The following NOTCH3 variants were observed in gnomAD, a reference collection of about 807,000 sequenced individuals.
NOTCH3 encodes the protein neurogenic locus notch homolog protein 3.
In NOTCH3, 86 loss-of-function variants were observed where a neutral mutation model predicts 213.3. The observed-to-expected ratio is 0.40, with a 90% confidence interval of 0.34 to 0.48. The LOEUF (loss-of-function observed/expected upper bound fraction) is 0.48. NOTCH3 is among the 20% of genes least tolerant of loss of function. NOTCH3 has a pLI of 0.57. For synonymous variants in NOTCH3, 1,354 were observed against 1,355.9 expected, an observed-to-expected ratio of 1.00 and a Z score of 0.03; for missense variants, 2,783 against 3,272.6, an observed-to-expected ratio of 0.85 and a Z score of 3.65.
intron 16 of NOTCH3, among the ~76,000 whole-genome samples, chr19:15,182,488 CAG>C (rs2046848840): frequency 7.2e-6 from 1 of 139,700 alleles, no homozygotes; most frequent in African/African-American, 2.6e-5. Context: ...GTCTGGGCGA[CAG>C]AGTGAGAACT....
intron 2 of NOTCH3, among the ~76,000 whole-genome samples, chr19:15,195,581 C>T (rs2090945299): frequency 6.6e-6 from 1 of 152,032 alleles, no homozygotes; most frequent in Admixed American, 6.6e-5. Flanking sequence ...GCAAGATCCC[C>T]CCCACCCCGG....
intron 15 of NOTCH3, 112 bp from the exon 16 acceptor site, chr19:15,184,562 C>T: frequency 3.9e-6 from 4 of 1,036,784 alleles, no homozygotes; most frequent in Non-Finnish European, 2.9e-6. Context: ...GCAAAATAAG[C>T]CGTGCTGTCA....
At chr19:15,198,121 C>G (rs560883204) in intron 1 of NOTCH3, among the ~76,000 whole-genome samples, 20 of 152,120 alleles carry the variant, frequency 1.3e-4, no homozygotes, top group African/African-American at 4.3e-4. Context: ...AAGCAGCCAG[C>G]GCTGGGCGTT....
chr19:15,168,744 G>A (rs767941167), intron 28 of NOTCH3, among the ~76,000 whole-genome samples: 24 of 152,060 alleles, frequency 1.6e-4, no homozygotes, highest in Non-Finnish European at 3.5e-4. Context: ...TGAGGCAGGG[G>A]AATCACTTGA....
Position 15,180,025 on chromosome 19 carries a change from C to G in NOTCH3, c.3327+47G>C, listed in dbSNP as rs555370526. On this transcript the variant is annotated intron_variant, in intron 20 of 32. Transcript: ENST00000263388. Reference sequence around the variant, plus strand: ...ACAGAAATGTGTGCCCAGACGCACCCAAGCATGCCCACCTCCTCTTCCCTC... The same window carrying G: ...ACAGAAATGTGTGCCCAGACGCACCGAAGCATGCCCACCTCCTCTTCCCTC... 4 of 1,361,298 alleles carry G rather than the reference C, an allele frequency of 2.9e-6. No homozygotes were observed. The African/African-American group carries it at 4.3e-5, about 15-fold the overall frequency. 84.3% of individuals were successfully genotyped at this position (1,361,298 alleles called of 1,614,324 possible). A position where few individuals can be genotyped will look rare whatever the true frequency, so the allele number is the denominator to read the frequency against.
At chr19:15,178,784 G>T (rs770475440) in intron 23 of NOTCH3, 39 bp downstream of exon 23, 69 of 1,431,724 alleles carry the variant, frequency 4.8e-5, no homozygotes, top group Non-Finnish European at 6.2e-5. Context: ...CAGAGGCCAC[G>T]CCCCTACTCC....
chr19:15,187,846 C>G, intron 10 of NOTCH3, 35 bp downstream of exon 10: 1 of 1,510,686 alleles, frequency 6.6e-7, no homozygotes, highest in Admixed American at 2.0e-5. Context: ...GCCCCGCCTC[C>G]TGATTCTTGT....
chr19:15,190,111 A>C lies in NOTCH3; in HGVS notation c.1037-683T>G, dbSNP rs1599392772. 4.7e-5 allele frequency among the ~76,000 whole-genome samples: 6 copies of C among 128,258 alleles called. 1 individual carries two copies. Among genetic ancestry groups the C allele is most frequent in the Admixed American group, 4.3e-4 (6 of 13,970 alleles). 84.1% of individuals were successfully genotyped at this position (128,258 alleles called of 152,430 possible). ...GCAATATAGTGAGACCCGTCTCTAC[A>C]AAAAATACAAAGCTTAGCCGGGCAT... On this transcript the variant is annotated intron_variant, in intron 6 of 32. Transcript: ENST00000263388.
intron 12 of NOTCH3, among the ~76,000 whole-genome samples, chr19:15,186,375 TTGTATGTGTGTGTGTGTGTGTGTG>T (rs1432195040): frequency 2.4e-5 from 3 of 123,206 alleles, no homozygotes; most frequent in African/African-American, 5.9e-5. Flanking sequence ...TTGTTTGTTT[TTGTATGTGTGTGTGTGTGTGTGTG>T]TGTGTGTGTG....
chr19:15,181,035 C>G lies in NOTCH3; in HGVS notation c.2920G>C (p.Gly974Arg), dbSNP rs747234439. 1.2e-6 allele frequency: 2 copies of G among 1,602,930 alleles called. No homozygotes were observed. The highest frequency in any genetic ancestry group is 2.2e-5 in the South Asian group (2 of 89,342). The change falls in exon 18 of 33, where the codon GGG (glycine) becomes CGG (arginine). Residue 974 changes from glycine to arginine, a missense_variant. Gly to Arg is a moderately radical substitution (Grantham distance 125, BLOSUM62 -2). Coordinates refer to ENST00000263388, the MANE Select transcript of NOTCH3 (RefSeq NM_000435.3). Reference sequence around the variant, plus strand: ...GGGTGGGCGGCGCTGCAGACGCCCCCGTGTAGGCAGGGCCGCGAGAGGCAG... The same window carrying G: ...GGGTGGGCGGCGCTGCAGACGCCCCGGTGTAGGCAGGGCCGCGAGAGGCAG... ...DPCLSRPCLH[G>R]GVCSAAHPGF...
chr19:15,160,117 C>G lies in NOTCH3; in HGVS notation c.*545G>C, dbSNP rs989934062. The G allele has an allele frequency of 4.3e-6, 1 of 234,766 alleles. No individual in the cohort carries two copies. Among genetic ancestry groups the G allele is most frequent in the South Asian group, 1.8e-4 (1 of 5,584 alleles). 14.5% of individuals were successfully genotyped at this position (234,766 alleles called of 1,614,324 possible). A position where few individuals can be genotyped will look rare whatever the true frequency, so the allele number is the denominator to read the frequency against. ...TTGGTACATACCTGGGTCGTGTACT[C>G]GGTACACGGGATCCCAGTCATGCCT... On this transcript the variant is annotated 3_prime_UTR_variant, in exon 33 of 33. Transcript: ENST00000263388.
intron 8 of NOTCH3, 65 bp from the exon 9 acceptor site, chr19:15,188,413 AG>A (rs1231615709): frequency 5.8e-6 from 6 of 1,027,196 alleles, no homozygotes; most frequent in African/African-American, 3.2e-5. Flanking sequence ...GGTGCAAGGA[AG>A]GAGGTACTTC....
intron 31 of NOTCH3, among the ~76,000 whole-genome samples, chr19:15,164,173 A>G (rs931240348): frequency 6.6e-6 from 1 of 152,214 alleles, no homozygotes; most frequent in Non-Finnish European, 1.5e-5. Context: ...TGAATTGTAC[A>G]CTTTAAATGG....
At position 15,161,593 on chromosome 19, in the gene NOTCH3, G is replaced by C. The variant is rs1426118686; in HGVS notation, c.6035C>G (p.Ala2012Gly). The part of the protein sequence containing the change: ...DHLDRLPRDV[A>G]QERLHQDIVR... The stretch of plus-strand genomic sequence containing the variant: ...GATGTCCTGGTGCAGTCTCTCCTGG[G>C]CTACGTCCCGCGGCAGCCTGTCCAG... Residue 2012 changes from alanine to glycine, a missense_variant, in exon 33 of 33, where the codon GCC (alanine) becomes GGC (glycine). Coordinates refer to ENST00000263388, the MANE Select transcript of NOTCH3 (RefSeq NM_000435.3). The C allele has an allele frequency of 1.7e-5, 28 of 1,611,836 alleles. No homozygotes were observed. The highest frequency in any genetic ancestry group is 2.2e-5 in the Non-Finnish European group (26 of 1,179,156).
chr19:15,189,912 C>T (rs1345478574), intron 6 of NOTCH3, among the ~76,000 whole-genome samples: 3 of 152,194 alleles, frequency 2.0e-5, no homozygotes, highest in African/African-American at 7.2e-5. Flanking sequence ...GTTGACCATT[C>T]ATATACCCAC....
chr19:15,170,204 G>T, intron 27 of NOTCH3, 34 bp from the exon 28 acceptor site: 1 of 1,536,730 alleles, frequency 6.5e-7, no homozygotes, highest in Non-Finnish European at 9.0e-7. Context: ...ATGTGAGGGG[G>T]ACACTAGAGG....
At position 15,178,064 on chromosome 19, in the gene NOTCH3, C is replaced by A; in HGVS notation, c.3864G>T (p.Arg1288=). ...AQPFWGPRCE[R]VARSCRELQC... is the part of the protein sequence containing the mutation. ...GCAGCTCCCGGCAGGAGCGCGCCACCCGCTCGCAACGCGGACCCCAGAACG... is the reference window on the plus strand; with the variant it reads ...GCAGCTCCCGGCAGGAGCGCGCCACACGCTCGCAACGCGGACCCCAGAACG... The change falls in exon 24 of 33, where the codon CGG becomes CGT. Residue 1288 remains arginine (R), a synonymous_variant. Coordinates refer to ENST00000263388, the MANE Select transcript of NOTCH3 (RefSeq NM_000435.3). 2.0e-6 allele frequency: 3 copies of A among 1,520,310 alleles called. No homozygotes were observed. Among genetic ancestry groups the A allele is most frequent in the Non-Finnish European group, 2.6e-6 (3 of 1,139,758 alleles). 94.2% of individuals were successfully genotyped at this position (1,520,310 alleles called of 1,614,324 possible). A position where few individuals can be genotyped will look rare whatever the true frequency, so the allele number is the denominator to read the frequency against.
rs2145440478 is a variant in NOTCH3 at position 15,191,725 on chromosome 19, C to T, written c.802+20G>A. 1 of 1,613,748 alleles carries T rather than the reference C, an allele frequency of 6.2e-7. No homozygotes were observed. Among genetic ancestry groups the T allele is most frequent in the Non-Finnish European group, 8.5e-7 (1 of 1,180,038 alleles). ...CCACCCGAGGCCTGCCTCCCCGCTC[C>T]CTCTGGCCGCAGTGCCCACCTGTCC... On this transcript the variant is annotated intron_variant, in intron 5 of 32. Coordinates refer to ENST00000263388, the MANE Select transcript of NOTCH3 (RefSeq NM_000435.3).
chr19:15,180,173 G>A lies in NOTCH3; in HGVS notation c.3226C>T (p.Arg1076Cys), dbSNP rs1438626607. The part of the protein sequence containing the change: ...SSHYCVCPEG[R>C]TGSHCEQEVD... ...TCCTGCTCACAGTGGCTACCAGTAC[G>A]GCCCTCTGGGCACACGCAGTAGTGG... The change falls in exon 20 of 33, where the codon CGT becomes TGT. Residue 1076 changes from arginine (R) to cysteine (C), a missense_variant. Physicochemically the swap from Arg to Cys is radical, Grantham distance 180. Around this residue, in one of 6 missense-constraint regions of NOTCH3, gnomAD observed 861 missense variants for 909.1 expected, o/e 0.95. Coordinates refer to ENST00000263388, the MANE Select transcript of NOTCH3 (RefSeq NM_000435.3). 2.5e-6 allele frequency: 4 copies of A among 1,613,550 alleles called. No individual in the cohort carries two copies. Among genetic ancestry groups the A allele is most frequent in the East Asian group, 2.2e-5 (1 of 44,874 alleles).
Sources: allele counts gnomAD v4.1 joint callset (sites outside exome capture counted in the v4.1 genomes callset), GRCh38; gene constraint gnomAD v4.1.1; regional missense constraint gnomAD v4.1.1; transcripts MANE v1.5; gene names NCBI Gene and HGNC (gene_info 2026-07-23, HGNC 2026-07-21).